The following PCDHGA10 variants were observed in gnomAD, a reference collection of about 807,000 sequenced individuals.
PCDHGA10 encodes the protein protocadherin gamma-A10.
A neutral mutation model predicts 59.5 loss-of-function variants in PCDHGA10; 42 were observed. That is an observed-to-expected ratio of 0.71 (90% confidence interval 0.55 to 0.91). The LOEUF is 0.91. Ranked by LOEUF, PCDHGA10 falls within the 40% of genes least tolerant of loss-of-function variation. The pLI, the probability that PCDHGA10 is intolerant of heterozygous loss-of-function variation, is 0.00. For missense variants in PCDHGA10, 1,111 were observed against 1,198.2 expected, an observed-to-expected ratio of 0.93 and a Z score of 1.07; for synonymous variants, 511 against 517.2, an observed-to-expected ratio of 0.99 and a Z score of 0.16.
chr5:141,464,310 A>T lies in PCDHGA10; in HGVS notation c.2437-30497A>T, dbSNP rs1327900308. ...AAAAAACTCCATTGTATGTGCACAT[A>T]TCATTATCTGTTCAACCCATCTATG... On this transcript the variant is annotated intron_variant, in intron 1 of 3. Coordinates refer to ENST00000398610, the MANE Select transcript of PCDHGA10 (RefSeq NM_018913.3). 2.0e-5 allele frequency among the ~76,000 whole-genome samples: 3 copies of T among 151,494 alleles called. No homozygotes were observed. The East Asian group carries it at 5.8e-4, about 29-fold the overall frequency.
At position 141,437,305 on chromosome 5, in the gene PCDHGA10, G is replaced by A. The variant is rs369317069; in HGVS notation, c.2436+21694G>A. On this transcript the variant is annotated intron_variant, in intron 1 of 3. Transcript: ENST00000398610. ...TATCCATTTCATCTAACAAGTTAAA[G>A]CGTTCAGCTATAATTTAAAATTTGT... 1.8e-4 allele frequency among the ~76,000 whole-genome samples: 28 copies of A among 152,266 alleles called. No homozygotes were observed. In the South Asian group the frequency reaches 4.8e-3, roughly 26 times the overall value.
chr5:141,485,587 G>C lies in PCDHGA10; in HGVS notation c.2437-9220G>C. 6.2e-7 allele frequency: 1 copy of C among 1,612,652 alleles called. No individual in the cohort carries two copies. The highest frequency in any genetic ancestry group is 1.7e-5 in the Admixed American group (1 of 59,982). On this transcript the variant is annotated intron_variant, in intron 1 of 3. Coordinates refer to ENST00000398610, the MANE Select transcript of PCDHGA10 (RefSeq NM_018913.3). This position sits in a 1 kb window ranked among gnomAD's most constrained non-coding sequence, Gnocchi z 5.7. ...CCCCCCGTTTTCCGCGGCAGCAGCT[G>C]GACTTGGAAATTGGGGAGGCAGCTC... is the stretch of plus-strand genomic sequence containing the variant.
Position 141,486,446 on chromosome 5 carries a change from G to T in PCDHGA10, c.2437-8361G>T. ...GGCCAAATCTAGCTATGACATCATGGTCACTGCTTCTGATGCTGGGAACCC... is the reference window on the plus strand; with the variant it reads ...GGCCAAATCTAGCTATGACATCATGTTCACTGCTTCTGATGCTGGGAACCC... On this transcript the variant is annotated intron_variant, in intron 1 of 3. Coordinates refer to ENST00000398610, the MANE Select transcript of PCDHGA10 (RefSeq NM_018913.3). The surrounding 1 kb of genome is among the most constrained non-coding windows in gnomAD (Gnocchi z 5.0). 2 of 1,614,126 alleles carry T rather than the reference G, an allele frequency of 1.2e-6. No individual in the cohort carries two copies. Among genetic ancestry groups the T allele is most frequent in the Non-Finnish European group, 1.7e-6 (2 of 1,180,004 alleles).
chr5:141,504,228 C>T lies in PCDHGA10; in HGVS notation c.2496-1165C>T, dbSNP rs114896014. Among the ~76,000 whole-genome samples, 193 of 152,312 alleles carry T rather than the reference C, an allele frequency of 1.3e-3. 1 individual carries two copies. The highest frequency in any genetic ancestry group is 2.1e-3 in the Admixed American group (32 of 15,304). ...AAAATTCCAAGTAGAGCTGAACCTT[C>T]TAAGAAGCAGAGAGTTCTTCTTATG... On this transcript the variant is annotated intron_variant, in intron 2 of 3. Coordinates refer to ENST00000398610, the MANE Select transcript of PCDHGA10 (RefSeq NM_018913.3).
chr5:141,427,960 G>T (rs759698390), intron 1 of PCDHGA10: 2 of 1,589,168 alleles, frequency 1.3e-6, no homozygotes, highest in Non-Finnish European at 1.7e-6. Context: ...AATGTGCCGC[G>T]GGTGCTGTAC....
chr5:141,419,945 T>C (rs2096451536), intron 1 of PCDHGA10: 4 of 1,614,088 alleles, frequency 2.5e-6, no homozygotes, highest in Middle Eastern at 1.6e-4. Context: ...GGTGGTGGCC[T>C]TGGCCTTGAT....
At chr5:141,423,500 T>A (rs1191111288) in intron 1 of PCDHGA10, 1 of 1,613,732 alleles carries the variant, frequency 6.2e-7, no homozygotes, top group Non-Finnish European at 8.5e-7. Flanking sequence ...TCCCACGAGG[T>A]CTCTCTCATT....
Position 141,477,876 on chromosome 5 carries a change from G to A in PCDHGA10, c.2437-16931G>A, listed in dbSNP as rs1412801533. The A allele has an allele frequency of 4.3e-6, 7 of 1,614,144 alleles. No individual in the cohort carries two copies. Among genetic ancestry groups the A allele is most frequent in the Non-Finnish European group, 5.9e-6 (7 of 1,180,030 alleles). ...ATGCTGCCTCGAGGTACCTCAGCTG[G>A]CCACCTAGTGTCACGGGTGGTAGGC... On this transcript the variant is annotated intron_variant, in intron 1 of 3. Coordinates refer to ENST00000398610, the MANE Select transcript of PCDHGA10 (RefSeq NM_018913.3). The surrounding 1 kb of genome is among the most constrained non-coding windows in gnomAD (Gnocchi z 4.9).
intron 1 of PCDHGA10, among the ~76,000 whole-genome samples, chr5:141,480,216 C>T (rs1055544952): frequency 1.9e-4 from 28 of 147,036 alleles, no homozygotes; most frequent in Non-Finnish European, 3.6e-4. Flanking sequence ...CCAGCCTGAG[C>T]GACATAGTGA....
intron 2 of PCDHGA10, among the ~76,000 whole-genome samples, chr5:141,500,901 G>A (rs984072329): frequency 7.6e-5 from 11 of 144,582 alleles, no homozygotes; most frequent in African/African-American, 2.6e-4. Flanking sequence ...AGACAGTCTC[G>A]CTCTGTCTCC....
At chr5:141,462,157 A>C (rs1232551906) in intron 1 of PCDHGA10, among the ~76,000 whole-genome samples, 1 of 151,394 alleles carries the variant, frequency 6.6e-6, no homozygotes, top group African/African-American at 2.4e-5. Flanking sequence ...ATGGGGTTTC[A>C]TCATGTTGGC....
chr5:141,456,263 T>C (rs2098847567), intron 1 of PCDHGA10, among the ~76,000 whole-genome samples: 2 of 152,292 alleles, frequency 1.3e-5, no homozygotes, highest in South Asian at 2.1e-4. Flanking sequence ...CCATTGCTTC[T>C]GGCTACTTCC....
Position 141,486,989 on chromosome 5 carries a change from G to A in PCDHGA10, c.2437-7818G>A. 1.9e-6 allele frequency: 3 copies of A among 1,614,168 alleles called. No individual in the cohort carries two copies. Among genetic ancestry groups the A allele is most frequent in the Non-Finnish European group, 2.5e-6 (3 of 1,180,034 alleles). On this transcript the variant is annotated intron_variant, in intron 1 of 3. Transcript: ENST00000398610. This position sits in a 1 kb window ranked among gnomAD's most constrained non-coding sequence, Gnocchi z 5.0. ...CTTGGATTCAGGTTACAATGCTTGG[G>A]TTTCCTATCAGCTCCTGGAGGCCCC...
Position 141,422,952 on chromosome 5 carries a change from C to T in PCDHGA10, c.2436+7341C>T, listed in dbSNP as rs759618535. 11 of 1,614,254 alleles carry T rather than the reference C, an allele frequency of 6.8e-6. No homozygotes were observed. The East Asian group carries it at 2.0e-4, about 29-fold the overall frequency. On this transcript the variant is annotated intron_variant, in intron 1 of 3. Coordinates refer to ENST00000398610, the MANE Select transcript of PCDHGA10 (RefSeq NM_018913.3). ...CCCTCCCCACAGACGGCTCCACTGG[C>T]GTGGAGCTGGCGCCCCGCTCTGCGG...
At position 141,432,379 on chromosome 5, in the gene PCDHGA10, G is replaced by A; in HGVS notation, c.2436+16768G>A. On this transcript the variant is annotated intron_variant, in intron 1 of 3. Transcript: ENST00000398610. The surrounding 1 kb of genome is among the most constrained non-coding windows in gnomAD (Gnocchi z 6.0). ...TGATGGCGCGGGACAACGGGCACCC[G>A]CCCCTCAGCAGCAACGTGTCGTTGA... 1.2e-6 allele frequency: 2 copies of A among 1,614,208 alleles called. No homozygotes were observed. The highest frequency in any genetic ancestry group is 1.7e-6 in the Non-Finnish European group (2 of 1,180,038).
chr5:141,418,998 G>A (rs757681244), intron 1 of PCDHGA10: 4 of 1,613,940 alleles, frequency 2.5e-6, no homozygotes, highest in South Asian at 2.2e-5. Context: ...GGGGAAAATG[G>A]GGAAGTCAGG....
chr5:141,500,937 C>G (rs910002814), intron 2 of PCDHGA10, among the ~76,000 whole-genome samples: 1 of 151,804 alleles, frequency 6.6e-6, no homozygotes, highest in Non-Finnish European at 1.5e-5. Context: ...GGCGCCATCT[C>G]GGCTCACTGC....
chr5:141,495,892 TTGTCTC>T (rs1035324353), intron 2 of PCDHGA10, among the ~76,000 whole-genome samples: 1 of 152,198 alleles, frequency 6.6e-6, no homozygotes, highest in Admixed American at 6.5e-5. Flanking sequence ...TTGTCTCTCT[TTGTCTC>T]TGTCTCTGTA....
At chr5:141,443,317 C>CA (rs35054295) in intron 1 of PCDHGA10, among the ~76,000 whole-genome samples, 76,100 of 141,790 alleles carry the variant, frequency 0.54, 21,234 homozygotes, top group African/African-American at 0.75. Flanking sequence ...CCCATCTCTA[C>CA]AAAAAAAAAA....
Sources: allele counts gnomAD v4.1 joint callset (sites outside exome capture counted in the v4.1 genomes callset), GRCh38; gene constraint gnomAD v4.1.1; non-coding constraint Gnocchi (gnomAD v3.1); transcripts MANE v1.5; gene names NCBI Gene and HGNC (gene_info 2026-07-23, HGNC 2026-07-21).